Variants in NCKAP5 observed in about 807,000 individuals in gnomAD.
NCKAP5 encodes nck-associated protein 5.
NCKAP5 carries 92 observed loss-of-function variants against 167.0 expected under a neutral mutation model. The observed-to-expected ratio is 0.55, with a 90% CI of 0.47 to 0.66. The LOEUF is 0.66. Among genes scored for constraint, NCKAP5 ranks in the 30% least tolerant of loss-of-function variants. The probability of loss-of-function intolerance (pLI) is 0.00; values close to 1 mark genes in which losing one functional copy is unlikely to be tolerated. For missense variants in NCKAP5, 2,378 were observed against 2,315.0 expected, an observed-to-expected ratio of 1.03 and a Z score of -0.56; for synonymous variants, 891 against 877.4, an observed-to-expected ratio of 1.02 and a Z score of -0.27.
At chr2:132,986,724 T>C (rs1189725166) in intron 7 of NCKAP5, among the ~76,000 whole-genome samples, 1 of 152,246 alleles carries the variant, frequency 6.6e-6, no homozygotes, top group Non-Finnish European at 1.5e-5. Context: ...TTTTCAACCC[T>C]AACTTTTCTC....
intron 8 of NCKAP5, among the ~76,000 whole-genome samples, chr2:132,920,771 G>GTATATA (rs55895538): frequency 7.3e-4 from 23 of 31,566 alleles, no homozygotes; most frequent in Admixed American, 1.3e-3. Flanking sequence ...ATATATGTAT[G>GTATATA]TATATATATA....
the NCKAP5 span, among the ~76,000 whole-genome samples, chr2:133,625,728 G>A: frequency 2.0e-5 from 3 of 151,990 alleles, no homozygotes; most frequent in South Asian, 2.1e-4. Flanking sequence ...AAAATTAGCC[G>A]GGCGTAGTGG....
At chr2:133,045,902 A>G (rs935526537) in intron 6 of NCKAP5, among the ~76,000 whole-genome samples, 2 of 152,186 alleles carry the variant, frequency 1.3e-5, no homozygotes, top group African/African-American at 4.8e-5. Flanking sequence ...GCCACTATCA[A>G]CCTTGAACAC....
At chr2:132,911,471 C>T (rs1022981819) in intron 8 of NCKAP5, among the ~76,000 whole-genome samples, 3 of 152,072 alleles carry the variant, frequency 2.0e-5, no homozygotes, top group Non-Finnish European at 4.4e-5. Flanking sequence ...TAAGTTTATG[C>T]CTCTCTTGTA....
At chr2:132,989,671 TTGAGACAGTGACTTTGTGACC>T (rs1489820880) in intron 7 of NCKAP5, among the ~76,000 whole-genome samples, 2 of 152,186 alleles carry the variant, frequency 1.3e-5, no homozygotes, top group East Asian at 3.9e-4. Context: ...TTTTAAAATA[TTGAGACAGTGACTTTGTGACC>T]TGAGATTTTA....
At chr2:133,457,512 A>G (rs185380729) in intron 3 of NCKAP5, among the ~76,000 whole-genome samples, 2 of 152,300 alleles carry the variant, frequency 1.3e-5, no homozygotes, top group East Asian at 3.9e-4. Context: ...AAAAGATTTT[A>G]CAGCTGGTTT....
In NCKAP5 at chr2:133,204,077, C is replaced by T. The variant is rs578143972; in HGVS notation, c.207+9639G>A. On this transcript the variant is annotated intron_variant, in intron 5 of 19. Coordinates refer to ENST00000409261, the MANE Select transcript of NCKAP5 (RefSeq NM_207363.3). ...TTATGACCCTAGTGTCAGGCTTAGACGTGCCTTCACTAACCCCAGATCATA... is the reference window on the plus strand; with the variant it reads ...TTATGACCCTAGTGTCAGGCTTAGATGTGCCTTCACTAACCCCAGATCATA... 9.8e-5 allele frequency among the ~76,000 whole-genome samples: 15 copies of T among 152,294 alleles called. No individual in the cohort carries two copies. In the South Asian group the frequency reaches 1.2e-3, roughly 13 times the overall value.
intron 3 of NCKAP5, among the ~76,000 whole-genome samples, chr2:133,417,123 T>TA (rs55760727): frequency 0.045 from 6,267 of 139,344 alleles, 147 homozygotes; most frequent in East Asian, 0.05. Flanking sequence ...GAAAGTATGT[T>TA]AAAAAAAAAA....
At chr2:133,533,393 A>G (rs927306833) in intron 2 of NCKAP5, among the ~76,000 whole-genome samples, 5 of 152,240 alleles carry the variant, frequency 3.3e-5, no homozygotes, top group Non-Finnish European at 7.3e-5. Flanking sequence ...TCACAAACCA[A>G]TATCTCTGAG....
At chr2:133,499,703 G>T (rs1316277663) in intron 3 of NCKAP5, among the ~76,000 whole-genome samples, 1 of 152,104 alleles carries the variant, frequency 6.6e-6, no homozygotes, top group South Asian at 2.1e-4. Context: ...GGGATTACAG[G>T]CACCCATGAC....
At chr2:132,799,224 G>A (rs1334663846) in intron 11 of NCKAP5, among the ~76,000 whole-genome samples, 5 of 151,908 alleles carry the variant, frequency 3.3e-5, no homozygotes, top group African/African-American at 1.2e-4. Context: ...ATAAACATGG[G>A]AACAACAGAC....
chr2:133,456,560 G>A (rs1318635753), intron 3 of NCKAP5, among the ~76,000 whole-genome samples: 1 of 152,082 alleles, frequency 6.6e-6, no homozygotes, highest in African/African-American at 2.4e-5. Context: ...ATGTTCCATG[G>A]GAGAAAGATA....
chr2:133,591,541 G>A, the NCKAP5 span, among the ~76,000 whole-genome samples: 6 of 152,320 alleles, frequency 3.9e-5, no homozygotes, highest in African/African-American at 1.2e-4. Context: ...AATCCTGGTC[G>A]TCTAAAAACA....
At chr2:133,426,950 T>C (rs955028787) in intron 3 of NCKAP5, among the ~76,000 whole-genome samples, 8 of 152,192 alleles carry the variant, frequency 5.3e-5, no homozygotes, top group African/African-American at 1.4e-4. Flanking sequence ...AGTAGTGTAA[T>C]GCAGTACAAT....
chr2:133,430,700 A>T (rs1019067732), intron 3 of NCKAP5, among the ~76,000 whole-genome samples: 6 of 151,622 alleles, frequency 4.0e-5, no homozygotes. Context: ...GCTTTATTTC[A>T]GTGTTCTCTA....
At chr2:133,388,361 G>A (rs369451020) in intron 3 of NCKAP5, among the ~76,000 whole-genome samples, 1 of 152,166 alleles carries the variant, frequency 6.6e-6, no homozygotes, top group Non-Finnish European at 1.5e-5. Flanking sequence ...AGCAAATATT[G>A]CTGAACAGCA....
chr2:133,135,243 G>A (rs190024580), intron 5 of NCKAP5, among the ~76,000 whole-genome samples: 11 of 152,334 alleles, frequency 7.2e-5, no homozygotes, highest in Middle Eastern at 3.4e-3. Flanking sequence ...TGAGACCTCT[G>A]TGATGACCAG....
At chr2:132,719,386 T>C (rs1689690755) in intron 19 of NCKAP5, among the ~76,000 whole-genome samples, 1 of 151,930 alleles carries the variant, frequency 6.6e-6, no homozygotes, top group South Asian at 2.1e-4. Flanking sequence ...CTTGAAGTTG[T>C]TTTCAAAACC....
At chr2:133,347,342 T>C (rs959569334) in intron 3 of NCKAP5, among the ~76,000 whole-genome samples, 2 of 151,872 alleles carry the variant, frequency 1.3e-5, no homozygotes, top group Non-Finnish European at 2.9e-5. Flanking sequence ...TCACCTGAGG[T>C]TGGAAGTTCG....
Sources: allele counts gnomAD v4.1 joint callset (sites outside exome capture counted in the v4.1 genomes callset), GRCh38; gene constraint gnomAD v4.1.1; transcripts MANE v1.5; gene names NCBI Gene and HGNC (gene_info 2026-07-23, HGNC 2026-07-21).